The following OR9Q1 variants were observed in gnomAD, a reference collection of about 807,000 sequenced individuals.
OR9Q1 encodes the protein olfactory receptor family 9 subfamily Q member 1.
For missense variants in OR9Q1, 374 were observed against 378.8 expected (o/e 0.99, Z 0.11); for synonymous variants, 153 against 148.6 (o/e 1.03, Z -0.22).
At chr11:58,062,393 C>A (rs1327291689) in intron 2 of OR9Q1, among the ~76,000 whole-genome samples, 1 of 152,154 alleles carries the variant, frequency 6.6e-6, no homozygotes, top group Non-Finnish European at 1.5e-5. Flanking sequence ...GAGAGAGACT[C>A]CCTTAGTTAC....
rs529205609 is a variant in OR9Q1, at chr11:58,161,695, C to T, written c.-14-17736C>T. ...AGTAGCTAGGAGTACAGGTGCCTGG[C>T]TAATTTTTGTATTTTTAGTAGAGAT... On this transcript the variant is annotated intron_variant, in intron 2 of 2. Coordinates refer to ENST00000335397, the MANE Select transcript of OR9Q1 (RefSeq NM_001005212.4). Among the ~76,000 whole-genome samples the T allele has an allele frequency of 1.8e-3, 275 of 152,140 alleles. 1 individual carries two copies. Among genetic ancestry groups the T allele is most frequent in the African/African-American group, 6.3e-3 (260 of 41,514 alleles).
chr11:58,152,640 A>G (rs1311665669), intron 2 of OR9Q1, among the ~76,000 whole-genome samples: 2 of 152,184 alleles, frequency 1.3e-5, no homozygotes, highest in African/African-American at 4.8e-5. Context: ...TGTATTGCAA[A>G]TATTTTCACA....
At chr11:58,076,325 A>G (rs1008980140) in intron 2 of OR9Q1, among the ~76,000 whole-genome samples, 1 of 152,144 alleles carries the variant, frequency 6.6e-6, no homozygotes, top group African/African-American at 2.4e-5. Context: ...TGGGGCTTCA[A>G]TCTCATCTGA....
At chr11:58,060,883 T>A (rs1462772597) in intron 2 of OR9Q1, among the ~76,000 whole-genome samples, 1 of 152,168 alleles carries the variant, frequency 6.6e-6, no homozygotes, top group Admixed American at 6.5e-5. Flanking sequence ...CAGCCTTCCC[T>A]GATCCCTGCT....
At position 58,098,247 on chromosome 11, in the gene OR9Q1, A is replaced by T. The variant is rs184615937; in HGVS notation, c.-15+42300A>T. Reference sequence around the variant, plus strand: ...GGGAGTGAAGTGTTCTTAATTATAGATTCAATTTCTTTAACAGGATATATG... The same window carrying T: ...GGGAGTGAAGTGTTCTTAATTATAGTTTCAATTTCTTTAACAGGATATATG... On this transcript the variant is annotated intron_variant, in intron 2 of 2. Coordinates refer to ENST00000335397, the MANE Select transcript of OR9Q1 (RefSeq NM_001005212.4). Among the ~76,000 whole-genome samples the T allele has an allele frequency of 5.9e-4, 90 of 152,252 alleles. No homozygotes were observed. In the East Asian group the frequency reaches 0.011, roughly 18 times the overall value.
chr11:58,025,179 G>T (rs1462498693), intron 1 of OR9Q1, among the ~76,000 whole-genome samples: 1 of 152,148 alleles, frequency 6.6e-6, no homozygotes, highest in Non-Finnish European at 1.5e-5. Flanking sequence ...CTCCGTAAAT[G>T]ACCCTTTCTT....
At chr11:58,092,695 G>C (rs1389884717) in intron 2 of OR9Q1, among the ~76,000 whole-genome samples, 2 of 152,052 alleles carry the variant, frequency 1.3e-5, no homozygotes, top group Non-Finnish European at 2.9e-5. Flanking sequence ...ATGCTTTCCA[G>C]TTTGCAAGAT....
At chr11:58,088,525 G>A (rs972514919) in intron 2 of OR9Q1, among the ~76,000 whole-genome samples, 3 of 151,940 alleles carry the variant, frequency 2.0e-5, no homozygotes, top group African/African-American at 7.3e-5. Flanking sequence ...TAACTGGAAT[G>A]AGATGGTATC....
rs147870292 is a variant in OR9Q1 at position 58,098,369 on chromosome 11, CA to C, written c.-15+42425del. ...AAGGAATTTGTTTCTTTTGACTTGTCAAATTTTTTTGTCATGCTAGTTACAA... is the reference window on the plus strand; with the variant it reads ...AAGGAATTTGTTTCTTTTGACTTGTCAATTTTTTTGTCATGCTAGTTACAA... On this transcript the variant is annotated intron_variant, in intron 2 of 2. Transcript: ENST00000335397. 5.3e-3 allele frequency among the ~76,000 whole-genome samples: 805 copies of C among 152,214 alleles called. 4 individuals carry two copies. Among genetic ancestry groups the C allele is most frequent in the Middle Eastern group, 0.01 (3 of 294 alleles).
chr11:58,074,470 A>G (rs891836583), intron 2 of OR9Q1, among the ~76,000 whole-genome samples: 1 of 151,540 alleles, frequency 6.6e-6, no homozygotes, highest in Non-Finnish European at 1.5e-5. Context: ...TTTTCTTGTA[A>G]ATTTGTTTAA....
At chr11:58,170,002 T>A (rs998790548) in intron 2 of OR9Q1, among the ~76,000 whole-genome samples, 2 of 152,140 alleles carry the variant, frequency 1.3e-5, no homozygotes, top group African/African-American at 4.8e-5. Context: ...TCTCAGTGAC[T>A]TTTAATATGG....
At chr11:58,137,857 C>T (rs935526447) in intron 2 of OR9Q1, among the ~76,000 whole-genome samples, 1 of 152,164 alleles carries the variant, frequency 6.6e-6, no homozygotes, top group African/African-American at 2.4e-5. Context: ...CAGTATTTAT[C>T]ATACAGTGAA....
intron 2 of OR9Q1, among the ~76,000 whole-genome samples, chr11:58,152,998 T>C (rs1036323556): frequency 6.6e-5 from 10 of 152,346 alleles, no homozygotes; most frequent in African/African-American, 2.4e-4. Context: ...TGCTGGTGCC[T>C]GGCACAGAGC....
At chr11:58,149,648 C>A (rs1419785961) in intron 2 of OR9Q1, among the ~76,000 whole-genome samples, 3 of 152,142 alleles carry the variant, frequency 2.0e-5, no homozygotes, top group African/African-American at 7.2e-5. Flanking sequence ...TGGCAATCAC[C>A]ATTCTAGTTC....
rs142598042 is a variant in OR9Q1 at position 58,122,922 on chromosome 11, C to T, written c.-14-56509C>T. On this transcript the variant is annotated intron_variant, in intron 2 of 2. Coordinates refer to ENST00000335397, the MANE Select transcript of OR9Q1 (RefSeq NM_001005212.4). ...ATAAATCTCATTTTTTAGCATACAC[C>T]GTATTTTTGTGATTTGTTTATGTAA... is the stretch of plus-strand genomic sequence containing the variant. Among the ~76,000 whole-genome samples the T allele has an allele frequency of 2.1e-3, 306 of 148,932 alleles. 2 individuals are homozygous for T. The highest frequency in any genetic ancestry group is 6.8e-3 in the African/African-American group (277 of 40,562).
intron 2 of OR9Q1, among the ~76,000 whole-genome samples, chr11:58,104,774 T>C (rs1314749702): frequency 6.6e-6 from 1 of 152,154 alleles, no homozygotes; most frequent in Non-Finnish European, 1.5e-5. Context: ...TATCCTCTGC[T>C]CTGGTGATTG....
At chr11:58,161,644 A>G (rs1037079653) in intron 2 of OR9Q1, among the ~76,000 whole-genome samples, 29 of 151,894 alleles carry the variant, frequency 1.9e-4, no homozygotes, top group Admixed American at 1.6e-3. Flanking sequence ...TCTGGGCTTA[A>G]GCGATTCTCC....
At position 58,178,942 on chromosome 11, in the gene OR9Q1, A is replaced by ATATATTTATATATT. The variant is rs1565098231; in HGVS notation, c.-14-489_-14-488insTATATTTATATATT. 7.6e-5 allele frequency among the ~76,000 whole-genome samples: 7 copies of ATATATTTATATATT among 92,090 alleles called. No individual in the cohort carries two copies. In the East Asian group the frequency reaches 2.8e-3, roughly 37 times the overall value. 60.4% of individuals were successfully genotyped at this position (92,090 alleles called of 152,430 possible). A position where few individuals can be genotyped will look rare whatever the true frequency, so the allele number is the denominator to read the frequency against. ...ATTTATATATTATATATTTATATAT[A>ATATATTTATATATT]ATATATATTTACATATAATATACAT... On this transcript the variant is annotated intron_variant, in intron 2 of 2. Transcript: ENST00000335397.
chr11:58,106,104 A>G (rs1452434452), intron 2 of OR9Q1, among the ~76,000 whole-genome samples: 2 of 151,554 alleles, frequency 1.3e-5, no homozygotes, highest in East Asian at 1.9e-4. Context: ...CCCCTTGGAC[A>G]CTGGAACACA....
Sources: gnomAD v4.1 joint callset for allele counts (sites outside exome capture counted in the v4.1 genomes callset) on GRCh38, gnomAD v4.1.1 for gene constraint, MANE v1.5 for transcripts, NCBI Gene and HGNC (gene_info 2026-07-23, HGNC 2026-07-21) for gene names.